The following DTNB variants were observed in gnomAD, a reference collection of about 807,000 sequenced individuals.
The protein encoded by DTNB is dystrobrevin beta.
In DTNB, 63 loss-of-function variants were observed where a neutral mutation model predicts 90.7. The ratio of observed to expected loss-of-function variants is 0.69; its 90% CI spans 0.57 to 0.86. The LOEUF is 0.86. DTNB is among the 40% of genes least tolerant of loss of function. The probability of loss-of-function intolerance (pLI) is 0.00; values close to 1 mark genes in which losing one functional copy is unlikely to be tolerated. For missense variants in DTNB, 744 were observed against 807.1 expected (o/e 0.92, Z 0.95); for synonymous variants, 277 against 286.7 (o/e 0.97, Z 0.34).
chr2:25,475,098 A>G (rs1396604246), intron 10 of DTNB, among the ~76,000 whole-genome samples: 1 of 152,188 alleles, frequency 6.6e-6, no homozygotes, highest in East Asian at 1.9e-4. Context: ...GAAGAGTTGC[A>G]TATCTCTTAT....
At chr2:25,636,096 T>C (rs534911540) in intron 3 of DTNB, among the ~76,000 whole-genome samples, 1 of 152,344 alleles carries the variant, frequency 6.6e-6, no homozygotes, top group Admixed American at 6.5e-5. Flanking sequence ...GTTTATTGAC[T>C]GTTTAGTGAC....
chr2:25,554,641 A>C (rs1240372690), intron 8 of DTNB, among the ~76,000 whole-genome samples: 1 of 152,216 alleles, frequency 6.6e-6, no homozygotes, highest in Non-Finnish European at 1.5e-5. Context: ...TGTTTGGAAA[A>C]GTAGAAAATT....
At chr2:25,533,295 C>T (rs897483276) in intron 8 of DTNB, among the ~76,000 whole-genome samples, 1 of 152,064 alleles carries the variant, frequency 6.6e-6, no homozygotes, top group African/African-American at 2.4e-5. Flanking sequence ...CAACTACACC[C>T]CACCCTGGGC....
chr2:25,588,270 C>T (rs1251897982), intron 6 of DTNB, among the ~76,000 whole-genome samples: 3 of 152,124 alleles, frequency 2.0e-5, no homozygotes, highest in African/African-American at 7.2e-5. Flanking sequence ...ATTTGTTTTA[C>T]TAACATCCAG....
At chr2:25,534,182 T>C (rs1442621223) in intron 8 of DTNB, among the ~76,000 whole-genome samples, 1 of 152,096 alleles carries the variant, frequency 6.6e-6, no homozygotes, top group East Asian at 1.9e-4. Flanking sequence ...CCTGGGTACT[T>C]GAGATTAGGG....
At chr2:25,413,777 T>C (rs2047197107) in intron 16 of DTNB, among the ~76,000 whole-genome samples, 1 of 152,210 alleles carries the variant, frequency 6.6e-6, no homozygotes, top group African/African-American at 2.4e-5. Context: ...TGATTTATAA[T>C]CCTTTGGGTA....
At chr2:25,461,349 T>C (rs1229623325) in intron 10 of DTNB, among the ~76,000 whole-genome samples, 1 of 152,192 alleles carries the variant, frequency 6.6e-6, no homozygotes, top group East Asian at 1.9e-4. Context: ...TGGGGTGTAA[T>C]GTTCTTCCCC....
At chr2:25,425,795 C>T (rs36028066) in intron 15 of DTNB, among the ~76,000 whole-genome samples, 29,690 of 152,170 alleles carry the variant, frequency 0.2, 3,615 homozygotes, top group Non-Finnish European at 0.27. Context: ...CCTGGTATTG[C>T]TGCTATGTAA....
At chr2:25,503,709 T>C (rs1322388156) in intron 9 of DTNB, among the ~76,000 whole-genome samples, 1 of 147,022 alleles carries the variant, frequency 6.8e-6, no homozygotes, top group African/African-American at 2.5e-5. Flanking sequence ...GGTCAGGAGA[T>C]CGAGACCATC....
intron 16 of DTNB, among the ~76,000 whole-genome samples, chr2:25,412,567 T>C (rs1363144155): frequency 2.0e-5 from 3 of 152,234 alleles, no homozygotes; most frequent in Non-Finnish European, 4.4e-5. Flanking sequence ...ATGATCATTA[T>C]ATAAAATGTT....
rs181428802 is a variant in DTNB at position 25,546,439 on chromosome 2, C to A, written c.877-14842G>T. Among the ~76,000 whole-genome samples the A allele has an allele frequency of 1.6e-3, 237 of 152,268 alleles. 1 individual carries two copies. Among genetic ancestry groups the A allele is most frequent in the African/African-American group, 5.4e-3 (224 of 41,552 alleles). ...GCCTGGCTGCTGGATATTTTTTGTACCTTCTCTGGGCCACTGGAGTTTTTC... is the reference window on the plus strand; with the variant it reads ...GCCTGGCTGCTGGATATTTTTTGTAACTTCTCTGGGCCACTGGAGTTTTTC... On this transcript the variant is annotated intron_variant, in intron 8 of 20. Transcript: ENST00000406818.
At chr2:25,522,265 C>A (rs1440264750) in intron 9 of DTNB, among the ~76,000 whole-genome samples, 1 of 152,178 alleles carries the variant, frequency 6.6e-6, no homozygotes, top group African/African-American at 2.4e-5. Flanking sequence ...CACCACCCCC[C>A]AGAAAGGAAC....
intron 15 of DTNB, among the ~76,000 whole-genome samples, chr2:25,420,520 A>G (rs111750655): frequency 0.04 from 3,540 of 89,126 alleles, 122 homozygotes; most frequent in African/African-American, 0.095. Context: ...CTATCTATCT[A>G]TCTGTCTGTC....
At chr2:25,625,934 T>C (rs1189828456) in intron 4 of DTNB, among the ~76,000 whole-genome samples, 3 of 152,144 alleles carry the variant, frequency 2.0e-5, no homozygotes, top group Non-Finnish European at 2.9e-5. Context: ...TCCCGAGAAC[T>C]CCTTTGCCCC....
chr2:25,433,623 G>A (rs2054688046), intron 13 of DTNB, among the ~76,000 whole-genome samples: 1 of 152,018 alleles, frequency 6.6e-6, no homozygotes, highest in African/African-American at 2.4e-5. Context: ...AAGCAGAGTG[G>A]AAAACGCAAT....
intron 1 of DTNB, among the ~76,000 whole-genome samples, chr2:25,660,747 GAAA>G (rs1559423664): frequency 6.6e-6 from 1 of 151,982 alleles, no homozygotes; most frequent in African/African-American, 2.4e-5. Flanking sequence ...CCTACTGATG[GAAA>G]TCTGAGTTGT....
intron 9 of DTNB, among the ~76,000 whole-genome samples, chr2:25,494,517 T>C (rs2068359519): frequency 6.6e-6 from 1 of 151,810 alleles, no homozygotes; most frequent in South Asian, 2.1e-4. Flanking sequence ...GAGGAACTTA[T>C]TGGGCACCAT....
At chr2:25,667,532 T>TA (rs1310044397) in intron 1 of DTNB, among the ~76,000 whole-genome samples, 1 of 152,004 alleles carries the variant, frequency 6.6e-6, no homozygotes, top group Non-Finnish European at 1.5e-5. Flanking sequence ...CATGAAGAGA[T>TA]ACACTGCAAG....
rs531460750 is a variant in DTNB at position 25,437,856 on chromosome 2, T to C, written c.1258-3861A>G. 7.2e-5 allele frequency among the ~76,000 whole-genome samples: 11 copies of C among 152,290 alleles called. No homozygotes were observed. The South Asian group carries it at 1.0e-3, about 14-fold the overall frequency. On this transcript the variant is annotated intron_variant, in intron 12 of 20. Transcript: ENST00000406818. ...TACCAGTTAGGGATGTTCTGGTGAA[T>C]AGCCCCACCCCCATGGAGCTCAGAT...
Sources: gnomAD v4.1 joint callset for allele counts (sites outside exome capture counted in the v4.1 genomes callset) on GRCh38, gnomAD v4.1.1 for gene constraint, MANE v1.5 for transcripts, NCBI Gene and HGNC (gene_info 2026-07-23, HGNC 2026-07-21) for gene names.